The following ADAMTS3 variants were observed in gnomAD, a reference collection of about 807,000 sequenced individuals.
The protein encoded by ADAMTS3 is ADAM metallopeptidase with thrombospondin type 1 motif 3.
A neutral mutation model predicts 129.0 loss-of-function variants in ADAMTS3; 73 were observed. The ratio of observed to expected loss-of-function variants is 0.57; its 90% confidence interval spans 0.47 to 0.69. ADAMTS3 has a LOEUF of 0.69. ADAMTS3 is among the 30% of genes least tolerant of loss of function. ADAMTS3 has a pLI of 0.00. For synonymous variants in ADAMTS3, 477 were observed against 510.8 expected (o/e 0.93, Z 0.89); for missense variants, 1,457 against 1,514.5 (o/e 0.96, Z 0.63).
chr4:72,291,190 G>C, intron 19 of ADAMTS3, 128 bp from the exon 20 acceptor site: 2 of 893,228 alleles, frequency 2.2e-6, no homozygotes, highest in Non-Finnish European at 3.4e-6. Context: ...TGCAGTTCAG[G>C]AAGTGGTTTC....
chr4:72,540,583 C>T lies in ADAMTS3; in HGVS notation c.504+7895G>A, dbSNP rs141864237. On this transcript the variant is annotated intron_variant, in intron 3 of 21. Coordinates refer to ENST00000286657, the MANE Select transcript of ADAMTS3 (RefSeq NM_014243.3). ...GGCATCTCAGAGGTCTTCACAGCAGCCCCTACCATCACACACCCGGAGGTC... is the reference window on the plus strand; with the variant it reads ...GGCATCTCAGAGGTCTTCACAGCAGTCCCTACCATCACACACCCGGAGGTC... Among the ~76,000 whole-genome samples, 9 of 152,296 alleles carry T rather than the reference C, an allele frequency of 5.9e-5. 2 individuals carry two copies. The highest frequency in any genetic ancestry group is 1.9e-4 in the African/African-American group (8 of 41,566).
intron 3 of ADAMTS3, among the ~76,000 whole-genome samples, chr4:72,466,099 G>T (rs1718910513): frequency 6.6e-6 from 1 of 152,068 alleles, no homozygotes; most frequent in East Asian, 1.9e-4. Context: ...GAATAAAAAG[G>T]TAGAATGTGA....
Position 72,283,303 on chromosome 4 carries a change from G to C in ADAMTS3, c.3451C>G (p.Pro1151Ala), listed in dbSNP as rs762958895. 4 of 1,614,030 alleles carry C rather than the reference G, an allele frequency of 2.5e-6. No homozygotes were observed. In the South Asian group the frequency reaches 3.3e-5, roughly 13 times the overall value. ...TVRLVTVPSS[P>A]PTKRVHLSSA... ...CTGAGGTGGACCCTCTTGGTGGGTG[G>C]GGAGGATGGTACGGTGACCAGTCTC... is the stretch of plus-strand genomic sequence containing the variant. Residue 1151 changes from proline to alanine, a missense_variant, in exon 22 of 22, where the codon CCA (proline) becomes GCA (alanine). By Grantham distance (27) the Pro-to-Ala change is conservative (BLOSUM62 -1). Transcript: ENST00000286657.
At chr4:72,312,259 C>T (rs2109798008) in intron 13 of ADAMTS3, 32 bp downstream of exon 13, 2 of 1,611,418 alleles carry the variant, frequency 1.2e-6, no homozygotes, top group Middle Eastern at 3.5e-4. Flanking sequence ...TAACCATCCA[C>T]ACAGCAGGAA....
intron 4 of ADAMTS3, among the ~76,000 whole-genome samples, chr4:72,390,173 G>C (rs1721554347): frequency 6.6e-6 from 1 of 152,142 alleles, no homozygotes; most frequent in South Asian, 2.1e-4. Flanking sequence ...AGCACTAGAA[G>C]AGTTACAGAA....
intron 4 of ADAMTS3, among the ~76,000 whole-genome samples, chr4:72,356,262 T>C (rs1720579185): frequency 6.6e-6 from 1 of 151,834 alleles, no homozygotes; most frequent in African/African-American, 2.4e-5. Context: ...TCTAACAGTA[T>C]TGGAAGTGAT....
At chr4:72,478,063 C>T (rs1048004630) in intron 3 of ADAMTS3, among the ~76,000 whole-genome samples, 1 of 152,054 alleles carries the variant, frequency 6.6e-6, no homozygotes, top group African/African-American at 2.4e-5. Context: ...GCTTACCAAC[C>T]AAAAAGAGTC....
rs112436942 is a variant in ADAMTS3, at chr4:72,423,341, G to A, written c.505-8370C>T. ...TATATCAATATTGTGTGTGTAAGAC[G>A]GAGAATACATGTAAATATAATAGTC... On this transcript the variant is annotated intron_variant, in intron 3 of 21. Transcript: ENST00000286657. Among the ~76,000 whole-genome samples the A allele has an allele frequency of 6.0e-3, 908 of 152,154 alleles. 15 individuals carry two copies. The highest frequency in any genetic ancestry group is 0.021 in the African/African-American group (860 of 41,532).
chr4:72,451,008 A>AGAGAAGAGAAGAGAG (rs1718389587), intron 3 of ADAMTS3, among the ~76,000 whole-genome samples: 3 of 150,398 alleles, frequency 2.0e-5, no homozygotes, highest in Non-Finnish European at 4.4e-5. Context: ...AGAGAAGAGA[A>AGAGAAGAGAAGAGAG]GAGAAGAGAA....
intron 4 of ADAMTS3, among the ~76,000 whole-genome samples, chr4:72,359,494 G>A (rs1720664884): frequency 6.6e-6 from 1 of 151,992 alleles, no homozygotes; most frequent in Non-Finnish European, 1.5e-5. Context: ...CCATGGGCAT[G>A]TAAAATTAAG....
chr4:72,497,300 C>A (rs943239704), intron 3 of ADAMTS3, among the ~76,000 whole-genome samples: 4 of 151,840 alleles, frequency 2.6e-5, no homozygotes, highest in Non-Finnish European at 4.4e-5. Context: ...TATTTTATAT[C>A]GTGATCAAAA....
intron 3 of ADAMTS3, among the ~76,000 whole-genome samples, chr4:72,445,584 G>A (rs183952046): frequency 2.0e-5 from 3 of 151,784 alleles, no homozygotes; most frequent in Admixed American, 1.3e-4. Flanking sequence ...AAAACAAAAT[G>A]ATAAAATCTT....
At chr4:72,438,978 A>T (rs1718041079) in intron 3 of ADAMTS3, among the ~76,000 whole-genome samples, 1 of 151,758 alleles carries the variant, frequency 6.6e-6, no homozygotes, top group Non-Finnish European at 1.5e-5. Flanking sequence ...CTACATAGGT[A>T]TCTATTTTAC....
chr4:72,399,726 G>GTATA (rs143639383), intron 4 of ADAMTS3, among the ~76,000 whole-genome samples: 2,735 of 7,346 alleles, frequency 0.37, 148 homozygotes, highest in Middle Eastern at 0.5. Flanking sequence ...GCATATGTGT[G>GTATA]TATATACACA....
rs115500171 is a variant in ADAMTS3 at position 72,471,445 on chromosome 4, T to A, written c.505-56474A>T. Among the ~76,000 whole-genome samples the A allele has an allele frequency of 5.4e-3, 819 of 152,160 alleles. 4 individuals are homozygous for A. Among genetic ancestry groups the A allele is most frequent in the African/African-American group, 0.019 (792 of 41,514 alleles). ...ATATGCTTTTGGATTCCACATTGCATCTAGTATTTAGAGTGCTAGTATTTG... is the reference window on the plus strand; with the variant it reads ...ATATGCTTTTGGATTCCACATTGCAACTAGTATTTAGAGTGCTAGTATTTG... On this transcript the variant is annotated intron_variant, in intron 3 of 21. Transcript: ENST00000286657.
At chr4:72,498,087 A>G (rs1212890441) in intron 3 of ADAMTS3, among the ~76,000 whole-genome samples, 1 of 152,096 alleles carries the variant, frequency 6.6e-6, no homozygotes, top group African/African-American at 2.4e-5. Context: ...ATAACTAAAA[A>G]GACCAGTATA....
At chr4:72,317,115 AC>A in intron 10 of ADAMTS3, among the ~76,000 whole-genome samples, 1 of 152,310 alleles carries the variant, frequency 6.6e-6, no homozygotes, top group Non-Finnish European at 1.5e-5. Context: ...AAAATATCAA[AC>A]AACAGCTAAT....
chr4:72,556,425 A>G (rs1721768609), intron 2 of ADAMTS3, among the ~76,000 whole-genome samples: 1 of 151,916 alleles, frequency 6.6e-6, no homozygotes. Flanking sequence ...TAGAACTGTA[A>G]AAGAACAGAA....
At chr4:72,432,512 T>C (rs928219200) in intron 3 of ADAMTS3, among the ~76,000 whole-genome samples, 1 of 151,918 alleles carries the variant, frequency 6.6e-6, no homozygotes, top group Non-Finnish European at 1.5e-5. Context: ...CACACTTCTG[T>C]AAACGGTCCC....
Sources: allele counts gnomAD v4.1 joint callset (sites outside exome capture counted in the v4.1 genomes callset), GRCh38; gene constraint gnomAD v4.1.1; transcripts MANE v1.5; gene names NCBI Gene and HGNC (gene_info 2026-07-23, HGNC 2026-07-21).